Variants in WDSUB1 observed in about 807,000 individuals in gnomAD.
WDSUB1 encodes the protein WD repeat, sterile alpha motif and U-box domain containing 1.
In WDSUB1, 49 loss-of-function variants were observed where a neutral mutation model predicts 53.9. The observed-to-expected ratio is 0.91, with a 90% CI of 0.72 to 1.15. The LOEUF is 1.15. Ranked by LOEUF, WDSUB1 falls within the 50% of genes most tolerant of loss-of-function variation. WDSUB1 has a pLI of 0.00. For synonymous variants in WDSUB1, 194 were observed against 200.6 expected, an observed-to-expected ratio of 0.97 and a Z score of 0.28; for missense variants, 514 against 562.0, an observed-to-expected ratio of 0.91 and a Z score of 0.86.
chr2:159,243,822 A>G (rs4665047), intron 10 of WDSUB1, among the ~76,000 whole-genome samples: 76,562 of 152,054 alleles, frequency 0.5, 20,012 homozygotes, highest in Non-Finnish European at 0.55. Context: ...AAAGGTTCAT[A>G]GCAGCACTAT....
intron 5 of WDSUB1, among the ~76,000 whole-genome samples, chr2:159,266,050 T>C (rs2061340009): frequency 6.6e-6 from 1 of 152,256 alleles, no homozygotes; most frequent in South Asian, 2.1e-4. Flanking sequence ...AAAGCTAATA[T>C]GCAATAATCT....
intron 5 of WDSUB1, among the ~76,000 whole-genome samples, chr2:159,261,051 T>C (rs1190717428): frequency 6.6e-6 from 1 of 152,178 alleles, no homozygotes; most frequent in South Asian, 2.1e-4. Context: ...ACACAAGAAC[T>C]TGGGAAGCAT....
At chr2:159,278,157 G>A (rs1233954356) in intron 3 of WDSUB1, among the ~76,000 whole-genome samples, 1 of 152,124 alleles carries the variant, frequency 6.6e-6, no homozygotes, top group Non-Finnish European at 1.5e-5. Context: ...CATTCATTGA[G>A]TGCCTACAAG....
rs181385758 is a variant in WDSUB1 at position 159,267,629 on chromosome 2, C to A, written c.770+4073G>T. On this transcript the variant is annotated intron_variant, in intron 5 of 10. Transcript: ENST00000359774. Reference sequence around the variant, plus strand: ...CTTAGTACACAATACTGACCTACAACCACATTCTGCTGTCCATTCACTTTT... The same window carrying A: ...CTTAGTACACAATACTGACCTACAAACACATTCTGCTGTCCATTCACTTTT... 4.6e-5 allele frequency among the ~76,000 whole-genome samples: 7 copies of A among 152,274 alleles called. No homozygotes were observed. The East Asian group carries it at 7.7e-4, about 17-fold the overall frequency.
intron 2 of WDSUB1, 70 bp from the exon 3 acceptor site, chr2:159,280,015 C>A: frequency 7.4e-7 from 1 of 1,353,828 alleles, no homozygotes. Context: ...TCTCTAACAG[C>A]AGCTTGATAC....
At chr2:159,248,533 G>C (rs1373871210) in intron 9 of WDSUB1, 21 bp from the exon 10 acceptor site, 1 of 1,479,492 alleles carries the variant, frequency 6.8e-7, no homozygotes, top group South Asian at 1.5e-5. Context: ...ATTACTGTTA[G>C]GGCTGGATAA....
At chr2:159,262,405 C>T (rs1220402045) in intron 5 of WDSUB1, among the ~76,000 whole-genome samples, 1 of 151,906 alleles carries the variant, frequency 6.6e-6, no homozygotes, top group Non-Finnish European at 1.5e-5. Context: ...TCACAGGCCA[C>T]AGCTAGCCAT....
intron 5 of WDSUB1, among the ~76,000 whole-genome samples, chr2:159,265,117 C>CAA (rs1377228866): frequency 1.3e-4 from 20 of 149,168 alleles, no homozygotes; most frequent in African/African-American, 2.2e-4. Flanking sequence ...ACAACAACAA[C>CAA]AACAACAAAA....
At chr2:159,273,492 C>T (rs2061482134) in intron 4 of WDSUB1, among the ~76,000 whole-genome samples, 1 of 152,080 alleles carries the variant, frequency 6.6e-6, no homozygotes, top group South Asian at 2.1e-4. Flanking sequence ...ACAGTCTCGG[C>T]TCACTGCAAC....
intron 5 of WDSUB1, 114 bp from the exon 6 acceptor site, chr2:159,259,957 C>T: frequency 8.9e-7 from 1 of 1,123,222 alleles, no homozygotes; most frequent in South Asian, 1.7e-5. Context: ...CAGATATTAA[C>T]ATACATTTAG....
chr2:159,278,730 A>G (rs7608205), intron 3 of WDSUB1, among the ~76,000 whole-genome samples: 63,939 of 151,950 alleles, frequency 0.42, 14,753 homozygotes, highest in Non-Finnish European at 0.54. Context: ...AAAAATGCAT[A>G]AGGCCAAGAG....
chr2:159,276,997 C>A (rs1251833567), intron 3 of WDSUB1, among the ~76,000 whole-genome samples: 5 of 152,096 alleles, frequency 3.3e-5, no homozygotes, highest in African/African-American at 9.7e-5. Context: ...GGAGCAAGAC[C>A]CTGTCACCAA....
intron 4 of WDSUB1, among the ~76,000 whole-genome samples, chr2:159,273,621 T>C (rs918174461): frequency 6.6e-6 from 1 of 152,114 alleles, no homozygotes; most frequent in Non-Finnish European, 1.5e-5. Context: ...GGTTTCACCA[T>C]GTTGGCCAGG....
intron 2 of WDSUB1, among the ~76,000 whole-genome samples, chr2:159,280,973 A>C (rs1259672325): frequency 6.6e-6 from 1 of 152,184 alleles, no homozygotes; most frequent in African/African-American, 2.4e-5. Context: ...TGGATAAGTA[A>C]GATTCCTAGT....
In WDSUB1 at chr2:159,250,088, CAAAAAAAAA is replaced by C. The variant is rs374038625; in HGVS notation, c.1133-1585_1133-1577del. Among the ~76,000 whole-genome samples, 12 of 83,528 alleles carry C rather than the reference CAAAAAAAAA, an allele frequency of 1.4e-4. No individual in the cohort carries two copies. In the Admixed American group the frequency reaches 1.9e-3, roughly 13 times the overall value. 54.8% of individuals were successfully genotyped at this position (83,528 alleles called of 152,430 possible). ...TGGGCGACACAGTGAGACTCTGCCTCAAAAAAAAAAAAAAAAAAAGAAGGGAAGGGAAAA... is the reference window on the plus strand; with the variant it reads ...TGGGCGACACAGTGAGACTCTGCCTCAAAAAAAAAAGAAGGGAAGGGAAAA... On this transcript the variant is annotated intron_variant, in intron 9 of 10. Coordinates refer to ENST00000359774, the MANE Select transcript of WDSUB1 (RefSeq NM_001128212.3).
At chr2:159,240,734 G>GGT (rs1190726465) in intron 10 of WDSUB1, among the ~76,000 whole-genome samples, 1 of 152,154 alleles carries the variant, frequency 6.6e-6, no homozygotes, top group Admixed American at 6.5e-5. Flanking sequence ...GGGTCACACA[G>GGT]GTAGGGAGCA....
intron 5 of WDSUB1, among the ~76,000 whole-genome samples, chr2:159,268,763 C>T (rs1375520211): frequency 6.6e-6 from 1 of 152,028 alleles, no homozygotes; most frequent in African/African-American, 2.4e-5. Context: ...CAGCCCATTG[C>T]CTAACAGAAT....
At chr2:159,274,757 C>G (rs2061506431) in intron 4 of WDSUB1, among the ~76,000 whole-genome samples, 2 of 152,096 alleles carry the variant, frequency 1.3e-5, no homozygotes, top group Admixed American at 1.3e-4. Context: ...TTGTCTAATT[C>G]TTAAATGCAA....
chr2:159,264,083 T>G (rs893634149), intron 5 of WDSUB1, among the ~76,000 whole-genome samples: 1 of 152,184 alleles, frequency 6.6e-6, no homozygotes, highest in Admixed American at 6.5e-5. Context: ...AAAACCCATG[T>G]TTTTTAATAT....
Sources: allele counts gnomAD v4.1 joint callset (sites outside exome capture counted in the v4.1 genomes callset), GRCh38; gene constraint gnomAD v4.1.1; transcripts MANE v1.5; gene names NCBI Gene and HGNC (gene_info 2026-07-23, HGNC 2026-07-21).